The following GPAT4 variants were observed in gnomAD, a reference collection of about 807,000 sequenced individuals.
GPAT4 encodes 1-AGP acyltransferase 6.
Under a neutral mutation model 58.0 loss-of-function variants are expected in GPAT4, and 17 were observed. The observed-to-expected ratio is 0.29, with a 90% CI of 0.20 to 0.44. The LOEUF (loss-of-function observed/expected upper bound fraction) is 0.44, where lower values mean the gene tolerates loss of function less well. GPAT4 is among the 20% of genes least tolerant of loss of function. The probability of loss-of-function intolerance (pLI) is 1.00; values close to 1 mark genes in which losing one functional copy is unlikely to be tolerated. For missense variants in GPAT4, 377 were observed against 574.5 expected, an observed-to-expected ratio of 0.66 and a Z score of 3.51; for synonymous variants, 204 against 210.1, an observed-to-expected ratio of 0.97 and a Z score of 0.25.
intron 1 of GPAT4, among the ~76,000 whole-genome samples, chr8:41,590,231 C>T (rs2150485071): frequency 6.6e-6 from 1 of 152,150 alleles, no homozygotes; most frequent in South Asian, 2.1e-4. Context: ...AGATTACAGG[C>T]ATGCGCCATG....
At chr8:41,619,930 TAGCCGCAGC>T (rs1235509820) in intron 12 of GPAT4, among the ~76,000 whole-genome samples, 1 of 152,216 alleles carries the variant, frequency 6.6e-6, no homozygotes, top group African/African-American at 2.4e-5. Flanking sequence ...GCCCTCACAG[TAGCCGCAGC>T]GCTGTAAACA....
intron 2 of GPAT4, among the ~76,000 whole-genome samples, chr8:41,608,462 AG>A (rs1421932451): frequency 6.6e-6 from 1 of 152,226 alleles, no homozygotes; most frequent in Non-Finnish European, 1.5e-5. Context: ...ACCATATCCA[AG>A]GGGGGATAAG....
chr8:41,591,496 C>T (rs1802787791), intron 1 of GPAT4, among the ~76,000 whole-genome samples: 1 of 152,204 alleles, frequency 6.6e-6, no homozygotes, highest in Admixed American at 6.5e-5. Context: ...TTCTTCACTA[C>T]CCATGTCTTC....
At chr8:41,611,792 C>A in intron 5 of GPAT4, 111 bp from the exon 6 acceptor site, 1 of 915,274 alleles carries the variant, frequency 1.1e-6, no homozygotes, top group Non-Finnish European at 1.7e-6. Flanking sequence ...GTGCTGATGT[C>A]TATACAAGCA....
At chr8:41,600,054 T>TTTTTTTTTTTTTA (rs1554502471) in intron 2 of GPAT4, among the ~76,000 whole-genome samples, 1 of 144,958 alleles carries the variant, frequency 6.9e-6, no homozygotes. Context: ...TTTTTTTTTT[T>TTTTTTTTTTTTTA]CGAGACAAGA....
At position 41,618,923 on chromosome 8, in the gene GPAT4, C is replaced by T. The variant is rs1803674263; in HGVS notation, c.1208C>T (p.Ala403Val). ...GCAGATGAAGATGCTGTCCAGTTTG[C>T]GAATAGGGTGAAATCTGCCATTGCC... ...READEDAVQF[A>V]NRVKSAIARQ... Residue 403 changes from alanine (A) to valine (V), a missense_variant, in exon 12 of 13, where the codon GCG becomes GTG. By Grantham distance (64) the Ala-to-Val change is moderately conservative. Coordinates refer to ENST00000396987, the MANE Select transcript of GPAT4 (RefSeq NM_178819.4). The T allele has an allele frequency of 1.9e-6, 3 of 1,614,026 alleles. No individual in the cohort carries two copies. The highest frequency in any genetic ancestry group is 2.5e-6 in the Non-Finnish European group (3 of 1,180,030).
At chr8:41,616,820 A>T (rs996824361) in intron 10 of GPAT4, among the ~76,000 whole-genome samples, 1 of 152,176 alleles carries the variant, frequency 6.6e-6, no homozygotes, top group East Asian at 1.9e-4. Flanking sequence ...TGGTCTACAG[A>T]TTACTGGTTT....
chr8:41,611,341 T>C (rs914139048), intron 5 of GPAT4, among the ~76,000 whole-genome samples: 2 of 152,230 alleles, frequency 1.3e-5, no homozygotes, highest in African/African-American at 4.8e-5. Context: ...CTTCCCATTT[T>C]GAAGACAAAA....
At chr8:41,580,013 C>T (rs1393834743) in intron 1 of GPAT4, among the ~76,000 whole-genome samples, 1 of 152,100 alleles carries the variant, frequency 6.6e-6, no homozygotes, top group African/African-American at 2.4e-5. Context: ...GGCTGCGGTT[C>T]CACTGACCCA....
At chr8:41,613,572 GT>G (rs1281219640) in intron 8 of GPAT4, among the ~76,000 whole-genome samples, 2 of 152,136 alleles carry the variant, frequency 1.3e-5, no homozygotes, top group East Asian at 3.9e-4. Context: ...GTACTGCCCT[GT>G]TTTCAAACTT....
At chr8:41,586,402 C>T (rs1410501615) in intron 1 of GPAT4, among the ~76,000 whole-genome samples, 1 of 152,064 alleles carries the variant, frequency 6.6e-6, no homozygotes, top group Non-Finnish European at 1.5e-5. Context: ...TTGGTGTAGA[C>T]AGTTTGTCTT....
At position 41,612,975 on chromosome 8, in the gene GPAT4, A is replaced by G. The variant is rs1210204426; in HGVS notation, c.911+15A>G. The G allele has an allele frequency of 1.2e-6, 2 of 1,610,310 alleles. No homozygotes were observed. The highest frequency in any genetic ancestry group is 1.3e-5 in the African/African-American group (1 of 74,962). On this transcript the variant is annotated intron_variant, in intron 8 of 12. Transcript: ENST00000396987. ...GTGGCTAAGAGGTAATGGACAGAACACTGCTGTTCTGCTTGGCCAGTTAGA... is the reference window on the plus strand; with the variant it reads ...GTGGCTAAGAGGTAATGGACAGAACGCTGCTGTTCTGCTTGGCCAGTTAGA...
intron 1 of GPAT4, among the ~76,000 whole-genome samples, chr8:41,595,784 G>A (rs772362133): frequency 8.0e-5 from 12 of 150,894 alleles, no homozygotes; most frequent in Non-Finnish European, 1.8e-4. Flanking sequence ...CCTTGACTCC[G>A]TCTTTGTCTC....
intron 1 of GPAT4, among the ~76,000 whole-genome samples, chr8:41,595,519 T>G (rs1226013925): frequency 1.3e-5 from 2 of 152,106 alleles, no homozygotes; most frequent in Non-Finnish European, 2.9e-5. Flanking sequence ...AGGCTACAGG[T>G]TGTTAGTGGC....
chr8:41,595,836 C>T (rs572141331), intron 1 of GPAT4, among the ~76,000 whole-genome samples: 43 of 151,992 alleles, frequency 2.8e-4, no homozygotes, highest in Admixed American at 8.5e-4. Context: ...TCCTCTCTGT[C>T]TCTTTTCTCT....
At chr8:41,605,551 TTTGTTTG>T (rs1803237490) in intron 2 of GPAT4, among the ~76,000 whole-genome samples, 183 of 1,494 alleles carry the variant, frequency 0.12, 2 homozygotes, top group East Asian at 0.45. Context: ...TTGTGTTTTG[TTTGTTTG>T]TTTGTTTGTT....
Position 41,609,878 on chromosome 8 carries a change from C to T in GPAT4, c.459C>T (p.Phe153=). The T allele has an allele frequency of 1.2e-6, 2 of 1,614,218 alleles. No homozygotes were observed. The highest frequency in any genetic ancestry group is 2.2e-5 in the South Asian group (2 of 91,088). The change falls in exon 4 of 13, where the codon TTC becomes TTT. Residue 153 remains phenylalanine (F), a synonymous_variant. Transcript: ENST00000396987. ...TGCTGAGCAGAACCAATTATAACTT[C>T]CAGTACATCAGCCTTCGGCTCACGG... ...WNLLSRTNYN[F]QYISLRLTVL...
rs140560295 is a variant in GPAT4 at position 41,596,787 on chromosome 8, A to C, written c.-848-1505A>C. ...AATGCAACAGGACTAGCCGCGGACAAGAACACCTCAGACACCAAGTTGTAG... is the reference window on the plus strand; with the variant it reads ...AATGCAACAGGACTAGCCGCGGACACGAACACCTCAGACACCAAGTTGTAG... On this transcript the variant is annotated intron_variant, in intron 1 of 12. Coordinates refer to ENST00000396987, the MANE Select transcript of GPAT4 (RefSeq NM_178819.4). Among the ~76,000 whole-genome samples, 417 of 152,348 alleles carry C rather than the reference A, an allele frequency of 2.7e-3. 2 individuals are homozygous for C. The highest frequency in any genetic ancestry group is 9.3e-3 in the African/African-American group (385 of 41,576).
At chr8:41,591,563 G>A (rs542362102) in intron 1 of GPAT4, among the ~76,000 whole-genome samples, 7 of 152,346 alleles carry the variant, frequency 4.6e-5, no homozygotes, top group Admixed American at 3.9e-4. Flanking sequence ...GCATTTTGGT[G>A]AACTAAGGTA....
Sources: allele counts gnomAD v4.1 joint callset (sites outside exome capture counted in the v4.1 genomes callset), GRCh38; gene constraint gnomAD v4.1.1; transcripts MANE v1.5; gene names NCBI Gene and HGNC (gene_info 2026-07-23, HGNC 2026-07-21).